The following RHOBTB1 variants were observed in gnomAD, a reference collection of about 807,000 sequenced individuals.
The protein encoded by RHOBTB1 is Rho related BTB domain containing 1.
Under a neutral mutation model 71.6 loss-of-function variants are expected in RHOBTB1, and 40 were observed. The ratio of observed to expected loss-of-function variants is 0.56; its 90% CI spans 0.43 to 0.73. The LOEUF (loss-of-function observed/expected upper bound fraction) is 0.73. Ranked by LOEUF, RHOBTB1 falls within the 30% of genes least tolerant of loss-of-function variation. The pLI is 0.00. For missense variants in RHOBTB1, 797 were observed against 894.0 expected (o/e 0.89, Z 1.38); for synonymous variants, 319 against 334.9 (o/e 0.95, Z 0.52).
At chr10:60,933,021 G>A (rs907079457) in intron 2 of RHOBTB1, among the ~76,000 whole-genome samples, 4 of 152,194 alleles carry the variant, frequency 2.6e-5, no homozygotes, top group South Asian at 2.1e-4. Flanking sequence ...TCATATGCTC[G>A]TTAGGACTAG....
chr10:60,866,223 G>C (rs78301625), downstream of RHOBTB1, among the ~76,000 whole-genome samples: 2 of 152,122 alleles, frequency 1.3e-5, no homozygotes, highest in South Asian at 4.1e-4. Context: ...TTCTATCACC[G>C]GTGGAATGGA....
intron 2 of RHOBTB1, among the ~76,000 whole-genome samples, chr10:60,915,696 C>T (rs1440972147): frequency 6.6e-6 from 1 of 152,190 alleles, no homozygotes; most frequent in Admixed American, 6.5e-5. Flanking sequence ...CAAGGCTGAC[C>T]TAGAAAAGCG....
At chr10:60,885,937 C>A in intron 7 of RHOBTB1, among the ~76,000 whole-genome samples, 175 bp downstream of exon 7, 1 of 152,134 alleles carries the variant, frequency 6.6e-6, no homozygotes, top group East Asian at 1.9e-4. Context: ...GGTGACCAAA[C>A]CCTCAAGCAC....
intron 2 of RHOBTB1, among the ~76,000 whole-genome samples, chr10:60,924,391 A>G (rs908877646): frequency 2.6e-5 from 4 of 152,216 alleles, no homozygotes; most frequent in Admixed American, 6.5e-5. Context: ...ATTTCAAGAC[A>G]AAAACTGTAA....
intron 2 of RHOBTB1, among the ~76,000 whole-genome samples, chr10:60,922,132 A>G (rs1012057766): frequency 6.6e-6 from 1 of 152,364 alleles, no homozygotes; most frequent in South Asian, 2.1e-4. Flanking sequence ...ATCCACTTTT[A>G]GACTTAAACA....
intron 2 of RHOBTB1, among the ~76,000 whole-genome samples, chr10:60,936,312 GA>G (rs2084580829): frequency 6.6e-6 from 1 of 152,228 alleles, no homozygotes; most frequent in Admixed American, 6.5e-5. Flanking sequence ...GGCATTCTGT[GA>G]GACCCAACTG....
At chr10:60,915,866 T>C (rs551756804) in intron 2 of RHOBTB1, among the ~76,000 whole-genome samples, 4 of 152,186 alleles carry the variant, frequency 2.6e-5, no homozygotes, top group Non-Finnish European at 5.9e-5. Flanking sequence ...GCCCACATCC[T>C]AGTCTCACCA....
intron 2 of RHOBTB1, among the ~76,000 whole-genome samples, chr10:60,967,017 A>G (rs978926393): frequency 1.3e-5 from 2 of 152,014 alleles, no homozygotes; most frequent in African/African-American, 2.4e-5. Context: ...ATTCCAGTTA[A>G]CAATGGTGCT....
chr10:60,885,004 G>C (rs1456775186), intron 7 of RHOBTB1, among the ~76,000 whole-genome samples: 1 of 151,776 alleles, frequency 6.6e-6, no homozygotes, highest in Non-Finnish European at 1.5e-5. Flanking sequence ...CTGTAGCTTT[G>C]AACTCCTGGG....
intron 2 of RHOBTB1, among the ~76,000 whole-genome samples, chr10:60,940,825 T>C (rs1402949534): frequency 6.6e-6 from 1 of 152,186 alleles, no homozygotes; most frequent in African/African-American, 2.4e-5. Context: ...GAGTGGAAAA[T>C]GCTGAACTTC....
At chr10:60,919,648 A>T (rs1220241399) in intron 2 of RHOBTB1, among the ~76,000 whole-genome samples, 1 of 152,232 alleles carries the variant, frequency 6.6e-6, no homozygotes, top group African/African-American at 2.4e-5. Context: ...GTTTTGATTA[A>T]AAAAGAAAAG....
At chr10:60,990,705 T>G (rs539733540) in intron 1 of RHOBTB1, among the ~76,000 whole-genome samples, 25 of 152,324 alleles carry the variant, frequency 1.6e-4, no homozygotes, top group African/African-American at 5.8e-4. Flanking sequence ...GGGCTCATCT[T>G]TCACTACTGG....
At chr10:60,900,024 C>G (rs976454844) in intron 4 of RHOBTB1, among the ~76,000 whole-genome samples, 1 of 152,042 alleles carries the variant, frequency 6.6e-6, no homozygotes, top group Non-Finnish European at 1.5e-5. Flanking sequence ...AGAGCAAAGG[C>G]CCGAGGTAGG....
chr10:60,867,099 A>G (rs1030372592), downstream of RHOBTB1, among the ~76,000 whole-genome samples: 1 of 152,186 alleles, frequency 6.6e-6, no homozygotes, highest in African/African-American at 2.4e-5. Flanking sequence ...CATCTCATTT[A>G]ACTTGTACTG....
In RHOBTB1 at chr10:60,872,254, G is replaced by A. The variant is rs1449024323; in HGVS notation, c.1852C>T (p.His618Tyr). 4 of 1,614,040 alleles carry A rather than the reference G, an allele frequency of 2.5e-6. No homozygotes were observed. Among genetic ancestry groups the A allele is most frequent in the Admixed American group, 3.3e-5 (2 of 60,002 alleles). Residue 618 changes from histidine to tyrosine, a missense_variant, in exon 10 of 11, where the codon CAC (histidine) becomes TAC (tyrosine). His to Tyr is a moderately conservative substitution (Grantham distance 83). Around this residue, in one of 2 missense-constraint regions of RHOBTB1, gnomAD observed 658 missense variants for 681.5 expected, o/e 0.97. Coordinates refer to ENST00000337910, the MANE Select transcript of RHOBTB1 (RefSeq NM_014836.5). ...NAHQLAAWCL[H>Y]HICTNYNSVC... ...CTGTTGTAGTTGGTGCAGATGTGGT[G>A]CAAACACCAGGCGGCCAACTGGTGG...
chr10:60,946,584 TG>T (rs2085245258), upstream of RHOBTB1, among the ~76,000 whole-genome samples: 2 of 152,358 alleles, frequency 1.3e-5, no homozygotes, highest in Middle Eastern at 3.4e-3. Context: ...CATTTGCACC[TG>T]GGGTTGTCTG....
intron 5 of RHOBTB1, among the ~76,000 whole-genome samples, chr10:60,892,443 T>G (rs1417023167): frequency 6.6e-6 from 1 of 152,222 alleles, no homozygotes; most frequent in Non-Finnish European, 1.5e-5. Context: ...CCCAGATACC[T>G]CTAAGTGTTA....
chr10:60,934,169 T>C (rs1033768695), intron 2 of RHOBTB1, among the ~76,000 whole-genome samples: 4 of 152,190 alleles, frequency 2.6e-5, no homozygotes, highest in African/African-American at 9.7e-5. Context: ...CTTCCTTCAT[T>C]ATGTGAAATT....
intron 8 of RHOBTB1, among the ~76,000 whole-genome samples, chr10:60,877,384 G>A (rs1443341327): frequency 6.6e-6 from 1 of 152,186 alleles, no homozygotes; most frequent in Non-Finnish European, 1.5e-5. Flanking sequence ...CTCTATGGCT[G>A]AATAATATTA....
Sources: gnomAD v4.1 joint callset for allele counts (sites outside exome capture counted in the v4.1 genomes callset) on GRCh38, gnomAD v4.1.1 for gene constraint, gnomAD v4.1.1 regional missense constraint, MANE v1.5 for transcripts, NCBI Gene and HGNC (gene_info 2026-07-23, HGNC 2026-07-21) for gene names.